HTT: variants seen among roughly 807,000 people sequenced by gnomAD.
HTT encodes huntington disease protein.
In HTT, 104 loss-of-function variants were observed where a neutral mutation model predicts 362.3. That is an observed-to-expected ratio of 0.29 (90% CI 0.24 to 0.34). HTT has a LOEUF of 0.34. HTT is among the 10% of genes least tolerant of loss of function. The pLI is 1.00. For missense variants in HTT, 3,301 were observed against 3,928.6 expected (o/e 0.84, Z 4.27); for synonymous variants, 1,577 against 1,548.7 (o/e 1.02, Z -0.43).
In HTT at chr4:3,206,573, C is replaced by T. The variant is rs374956035; in HGVS notation, c.5796C>T (p.His1932=). 2.2e-5 allele frequency: 36 copies of T among 1,613,954 alleles called. No homozygotes were observed. Among genetic ancestry groups the T allele is most frequent in the East Asian group, 6.7e-5 (3 of 44,892 alleles). The change falls in exon 43 of 67, where the codon CAC becomes CAT. Residue 1932 remains histidine (H), a synonymous_variant. Coordinates refer to ENST00000355072, the MANE Select transcript of HTT (RefSeq NM_001388492.1). This position sits in a 1 kb window ranked among gnomAD's most constrained non-coding sequence, Gnocchi z 4.6. The stretch of plus-strand genomic sequence containing the variant: ...TTCAAGATCTGATCAGCCTTTCCCA[C>T]GAGCCTCCAGTACAGGACTTCATCA... ...NHIQDLISLS[H]EPPVQDFISA...
intron 31 of HTT, 52 bp from the exon 32 acceptor site, chr4:3,174,669 A>G: frequency 7.2e-7 from 1 of 1,387,538 alleles, no homozygotes; most frequent in South Asian, 1.2e-5. Flanking sequence ...TGCAGAGGAG[A>G]TTATTTAAAG....
chr4:3,234,766 G>A (rs774434850), intron 61 of HTT, among the ~76,000 whole-genome samples: 51 of 152,192 alleles, frequency 3.4e-4, no homozygotes, highest in Non-Finnish European at 6.2e-4. Context: ...GCACGTTTTT[G>A]TGGGTGTTGG....
At chr4:3,146,538 C>T (rs1716612513) in intron 24 of HTT, among the ~76,000 whole-genome samples, 1 of 152,152 alleles carries the variant, frequency 6.6e-6, no homozygotes, top group Non-Finnish European at 1.5e-5. Context: ...TTGTCATATG[C>T]CCTAGTAAAA....
chr4:3,176,892 G>A (rs899324795), intron 33 of HTT, among the ~76,000 whole-genome samples: 2 of 152,228 alleles, frequency 1.3e-5, no homozygotes, highest in African/African-American at 4.8e-5. Context: ...ACAGCTGCAG[G>A]GAATACAGTG....
intron 10 of HTT, 53 bp from the exon 11 acceptor site, chr4:3,125,496 T>G (rs1056367581): frequency 1.3e-5 from 15 of 1,166,996 alleles, no homozygotes; most frequent in Non-Finnish European, 1.5e-5. Context: ...TACTTAATTT[T>G]GAAGTCCTTA....
At chr4:3,232,412 C>T (rs1336939137) in intron 60 of HTT, among the ~76,000 whole-genome samples, 1 of 152,214 alleles carries the variant, frequency 6.6e-6, no homozygotes, top group Non-Finnish European at 1.5e-5. Flanking sequence ...ACATTCCTTG[C>T]TGACTTCTGC....
At chr4:3,176,935 G>T (rs193128030) in intron 33 of HTT, among the ~76,000 whole-genome samples, 2 of 152,152 alleles carry the variant, frequency 1.3e-5, no homozygotes, top group African/African-American at 2.4e-5. Context: ...CAGCCCTTAC[G>T]TGTCGCCTCT....
chr4:3,208,929 C>G lies in HTT; in HGVS notation c.6291+18C>G. ...CGGACAAAGTAAGTGTCCAGCGTGT[C>G]TGCATGGGAGGCACAGGGCGCTGAG... is the stretch of plus-strand genomic sequence containing the variant. On this transcript the variant is annotated intron_variant, in intron 46 of 66. Transcript: ENST00000355072. The G allele has an allele frequency of 6.2e-7, 1 of 1,603,782 alleles. No homozygotes were observed. Among genetic ancestry groups the G allele is most frequent in the Non-Finnish European group, 8.5e-7 (1 of 1,176,466 alleles).
At position 3,107,485 on chromosome 4, in the gene HTT, T is replaced by G. The variant is rs556653538; in HGVS notation, c.747+62T>G. The G allele has an allele frequency of 2.5e-5, 39 of 1,557,820 alleles. No individual in the cohort carries two copies. The East Asian group carries it at 8.8e-4, about 35-fold the overall frequency. On this transcript the variant is annotated intron_variant, in intron 6 of 66. Coordinates refer to ENST00000355072, the MANE Select transcript of HTT (RefSeq NM_001388492.1). ...ATGCTGTGAGTGAGTCTGTGGAGGG[T>G]GAGGGCTTCTGAACAGGGAGTCCTG...
At chr4:3,200,369 G>A (rs954134000) in intron 41 of HTT, among the ~76,000 whole-genome samples, 2 of 152,148 alleles carry the variant, frequency 1.3e-5, no homozygotes, top group Non-Finnish European at 2.9e-5. Context: ...AAACCTCTTG[G>A]AAATGTTATT....
intron 59 of HTT, 78 bp downstream of exon 59, chr4:3,229,087 A>C: frequency 1.4e-6 from 2 of 1,385,246 alleles, no homozygotes; most frequent in Non-Finnish European, 1.0e-6. Flanking sequence ...ACACACACAC[A>C]CCGCCCACAC....
At position 3,217,804 on chromosome 4, in the gene HTT, A is replaced by G. The variant is rs768439193; in HGVS notation, c.7094A>G (p.Glu2365Gly). ...ACTGCAGCCTGTGAGATGGTGGCAG[A>G]AATGGTGGAGTCTCTGCAGTCGGTG... ...YITAACEMVA[E>G]MVESLQSVLA... Residue 2365 changes from glutamate (E) to glycine (G), a missense_variant, in exon 52 of 67, where the codon GAA (glutamate) becomes GGA (glycine). Coordinates refer to ENST00000355072, the MANE Select transcript of HTT (RefSeq NM_001388492.1). 6.2e-7 allele frequency: 1 copy of G among 1,614,158 alleles called. No homozygotes were observed. The highest frequency in any genetic ancestry group is 8.5e-7 in the Non-Finnish European group (1 of 1,180,000).
In HTT at chr4:3,152,122, A is replaced by C. The variant is rs535088663; in HGVS notation, c.3499-2171A>C. On this transcript the variant is annotated intron_variant, in intron 26 of 66. Transcript: ENST00000355072. Reference sequence around the variant, plus strand: ...TTTGATTTTTTTTTTTTTTTGAGACAGAGTCTCAGCCTGTCGCCCAGGCTG... The same window carrying C: ...TTTGATTTTTTTTTTTTTTTGAGACCGAGTCTCAGCCTGTCGCCCAGGCTG... Among the ~76,000 whole-genome samples, 44 of 148,152 alleles carry C rather than the reference A, an allele frequency of 3.0e-4. No homozygotes were observed. The South Asian group carries it at 9.2e-3, about 31-fold the overall frequency.
intron 40 of HTT, among the ~76,000 whole-genome samples, chr4:3,189,952 T>G (rs1718938474): frequency 6.6e-6 from 1 of 151,720 alleles, no homozygotes; most frequent in Non-Finnish European, 1.5e-5. Context: ...GGAGGTTAAG[T>G]CTCTAGTGAG....
In HTT at chr4:3,173,267, G is replaced by A. The variant is rs938670281; in HGVS notation, c.4166+136G>A. The A allele has an allele frequency of 1.6e-5, 11 of 689,058 alleles. No individual in the cohort carries two copies. The African/African-American group carries it at 1.8e-4, about 11-fold the overall frequency. 42.7% of individuals were successfully genotyped at this position (689,058 alleles called of 1,614,324 possible). Reference sequence around the variant, plus strand: ...CTGCTGTATTCAGAGAACTCTAGGAGATATATATGGTTGATGCAAAGATGA... The same window carrying A: ...CTGCTGTATTCAGAGAACTCTAGGAAATATATATGGTTGATGCAAAGATGA... On this transcript the variant is annotated intron_variant, in intron 31 of 66. Transcript: ENST00000355072.
chr4:3,229,145 GCCACACGCACCATAGACA>G (rs1447946040), intron 59 of HTT, 136 bp downstream of exon 59: 1 of 784,366 alleles, frequency 1.3e-6, no homozygotes, highest in Admixed American at 2.6e-5. Flanking sequence ...ACACACACAG[GCCACACGCACCATAGACA>G]CCACACACAC....
chr4:3,140,315 G>A (rs1156573414), intron 21 of HTT, among the ~76,000 whole-genome samples, 195 bp from the exon 22 acceptor site: 3 of 152,026 alleles, frequency 2.0e-5, no homozygotes, highest in Non-Finnish European at 2.9e-5. Context: ...TGTCCGAGTG[G>A]GTGCATGAGA....
rs531513995 is a variant in HTT at position 3,124,122 on chromosome 4, T to C, written c.1321+1186T>C. On this transcript the variant is annotated intron_variant, in intron 10 of 66. Coordinates refer to ENST00000355072, the MANE Select transcript of HTT (RefSeq NM_001388492.1). ...CATAGTATGAGATACTTAATCAAGT[T>C]TGAGATTTTAGTGAAACATTGTTTA... Among the ~76,000 whole-genome samples, 7 of 152,340 alleles carry C rather than the reference T, an allele frequency of 4.6e-5. No individual in the cohort carries two copies. The South Asian group carries it at 1.4e-3, about 32-fold the overall frequency.
chr4:3,171,206 T>C lies in HTT; in HGVS notation c.3865-1114T>C, dbSNP rs189946881. Among the ~76,000 whole-genome samples, 1,061 of 152,322 alleles carry C rather than the reference T, an allele frequency of 7.0e-3. 24 individuals carry two copies. Among genetic ancestry groups the C allele is most frequent in the Admixed American group, 0.041 (634 of 15,300 alleles). ...AACCTTAAACACTTAGAATATACTT[T>C]GAGCATATCAGAATTTTAAAAATGT... On this transcript the variant is annotated intron_variant, in intron 29 of 66. Coordinates refer to ENST00000355072, the MANE Select transcript of HTT (RefSeq NM_001388492.1).
Sources: allele counts gnomAD v4.1 joint callset (sites outside exome capture counted in the v4.1 genomes callset), GRCh38; gene constraint gnomAD v4.1.1; non-coding constraint Gnocchi (gnomAD v3.1); transcripts MANE v1.5; gene names NCBI Gene and HGNC (gene_info 2026-07-23, HGNC 2026-07-21).